Variants in PDE1C observed in about 807,000 individuals in gnomAD.
PDE1C encodes dual specificity calcium/calmodulin-dependent 3',5'-cyclic nucleotide phosphodiesterase 1C.
In PDE1C, 62 loss-of-function variants were observed where a neutral mutation model predicts 93.1. The ratio of observed to expected loss-of-function variants is 0.67; its 90% CI spans 0.54 to 0.82. The LOEUF (loss-of-function observed/expected upper bound fraction) is 0.82. PDE1C is among the 40% of genes least tolerant of loss of function. PDE1C has a pLI of 0.00. For synonymous variants in PDE1C, 325 were observed against 310.1 expected (o/e 1.05, Z -0.50); for missense variants, 742 against 884.6 (o/e 0.84, Z 2.04).
At chr7:32,291,559 A>T (rs563019057) in intron 1 of PDE1C, among the ~76,000 whole-genome samples, 18 of 152,362 alleles carry the variant, frequency 1.2e-4, no homozygotes, top group Non-Finnish European at 1.5e-5. Flanking sequence ...TCCTTTCTTG[A>T]GTTTAGCTCA....
chr7:32,199,085 TG>T (rs551294094), intron 2 of PDE1C, among the ~76,000 whole-genome samples: 66 of 151,812 alleles, frequency 4.3e-4, no homozygotes, highest in Non-Finnish European at 5.6e-4. Flanking sequence ...ATCGCTCCAC[TG>T]CACTCCAGCC....
At chr7:31,658,974 T>C in the PDE1C span, among the ~76,000 whole-genome samples, 1 of 152,206 alleles carries the variant, frequency 6.6e-6, no homozygotes, top group African/African-American at 2.4e-5. Context: ...GTACCAATGC[T>C]TTCTTCATTC....
At chr7:32,019,754 G>A (rs1191833684) in intron 2 of PDE1C, among the ~76,000 whole-genome samples, 1 of 152,072 alleles carries the variant, frequency 6.6e-6, no homozygotes, top group African/African-American at 2.4e-5. Flanking sequence ...GGAAACAAGG[G>A]GAGGGAAGGG....
At chr7:32,250,387 CG>C (rs1809280220) in intron 1 of PDE1C, among the ~76,000 whole-genome samples, 1 of 152,182 alleles carries the variant, frequency 6.6e-6, no homozygotes, top group African/African-American at 2.4e-5. Flanking sequence ...AAATTAGGTG[CG>C]CATCAGAATC....
intron 7 of PDE1C, among the ~76,000 whole-genome samples, chr7:31,864,592 A>C (rs932712395): frequency 5.3e-5 from 8 of 152,262 alleles, no homozygotes; most frequent in Admixed American, 5.2e-4. Context: ...ATACAATTTC[A>C]GTATACATGA....
chr7:32,315,124 T>G (rs931642849), intron 1 of PDE1C, among the ~76,000 whole-genome samples: 3 of 150,064 alleles, frequency 2.0e-5, no homozygotes, highest in African/African-American at 7.4e-5. Flanking sequence ...AAACACAAAG[T>G]AGGATGCAAT....
At position 32,197,598 on chromosome 7, in the gene PDE1C, G is replaced by T. The variant is rs191978910; in HGVS notation, c.136+11891C>A. Among the ~76,000 whole-genome samples, 3 of 152,226 alleles carry T rather than the reference G, an allele frequency of 2.0e-5. No individual in the cohort carries two copies. In the East Asian group the frequency reaches 5.8e-4, roughly 29 times the overall value. On this transcript the variant is annotated intron_variant, in intron 2 of 18. Coordinates refer to the PDE1C transcript ENST00000396193. ...AAAATAAAACGTATATCCATACTAG[G>T]GAATATTGTCCTGCAATATAAAGGA... is the stretch of plus-strand genomic sequence containing the variant.
At chr7:32,065,485 C>T (rs73098659) in intron 1 of PDE1C, among the ~76,000 whole-genome samples, 44 of 152,282 alleles carry the variant, frequency 2.9e-4, no homozygotes, top group Admixed American at 6.5e-4. Context: ...TAGCTTCCTT[C>T]GCATCCCCCT....
the PDE1C span, among the ~76,000 whole-genome samples, chr7:31,740,049 A>G: frequency 2.0e-5 from 3 of 152,260 alleles, no homozygotes; most frequent in East Asian, 5.8e-4. Context: ...CCCACTCTAC[A>G]AAAGGAAGGC....
In PDE1C at chr7:32,065,059, G is replaced by T. The variant is rs56127668; in HGVS notation, c.101+5234C>A. ...TTCTGACGGAACGGCGGTGGGGGGG[G>T]GGGGGAGGAGCCGGGGGCCAGTGAG... On this transcript the variant is annotated intron_variant, in intron 1 of 17. Coordinates refer to ENST00000396191, the MANE Select transcript of PDE1C (RefSeq NM_001191057.4). 6.5e-4 allele frequency among the ~76,000 whole-genome samples: 96 copies of T among 148,730 alleles called. 1 individual carries two copies. The highest frequency in any genetic ancestry group is 1.1e-3 in the Non-Finnish European group (76 of 66,618).
At chr7:31,660,785 C>T in the PDE1C span, among the ~76,000 whole-genome samples, 16 of 151,940 alleles carry the variant, frequency 1.1e-4, 1 homozygote, top group South Asian at 3.3e-3. Context: ...TACCACATAC[C>T]TATTCATTTA....
chr7:32,254,070 A>G (rs1016706228), intron 1 of PDE1C, among the ~76,000 whole-genome samples: 1 of 152,178 alleles, frequency 6.6e-6, no homozygotes, highest in Non-Finnish European at 1.5e-5. Flanking sequence ...GGTCTCATGC[A>G]CCACTGAAAC....
chr7:32,328,562 C>G (rs1490987742), intron 1 of PDE1C, among the ~76,000 whole-genome samples: 1 of 152,166 alleles, frequency 6.6e-6, no homozygotes, highest in Non-Finnish European at 1.5e-5. Flanking sequence ...CTTCCTTGAA[C>G]AAGCCAGGCT....
chr7:31,774,804 T>C (rs1795721092), intron 17 of PDE1C, among the ~76,000 whole-genome samples: 1 of 152,200 alleles, frequency 6.6e-6, no homozygotes, highest in African/African-American at 2.4e-5. Flanking sequence ...AGAAAAAGTA[T>C]TTAATAAAGA....
intron 13 of PDE1C, among the ~76,000 whole-genome samples, 153 bp from the exon 14 acceptor site, chr7:31,823,401 T>G (rs1283192883): frequency 6.6e-6 from 1 of 152,180 alleles, no homozygotes; most frequent in Non-Finnish European, 1.5e-5. Context: ...ATTTTCCACA[T>G]ATGACCGGTG....
chr7:32,226,834 A>AG (rs1807311294), intron 1 of PDE1C, among the ~76,000 whole-genome samples: 2 of 152,074 alleles, frequency 1.3e-5, no homozygotes, highest in Non-Finnish European at 2.9e-5. Flanking sequence ...TTAATACATC[A>AG]CCACCAATGC....
chr7:31,806,070 C>A (rs774811302), intron 16 of PDE1C, among the ~76,000 whole-genome samples: 1 of 151,906 alleles, frequency 6.6e-6, no homozygotes, highest in Non-Finnish European at 1.5e-5. Context: ...CTCTTCATAA[C>A]TCACTTTTCA....
At chr7:32,074,753 G>A (rs1031142182), upstream of PDE1C, among the ~76,000 whole-genome samples, 1 of 152,344 alleles carries the variant, frequency 6.6e-6, no homozygotes, top group East Asian at 1.9e-4. Context: ...TGCATGAAAG[G>A]TGGGTGGAGG....
intron 1 of PDE1C, among the ~76,000 whole-genome samples, chr7:32,232,633 A>G (rs35574885): frequency 0.11 from 15,990 of 152,206 alleles, 900 homozygotes; most frequent in East Asian, 0.13. Context: ...AAAGGGAGAA[A>G]CTTGGGAAAG....
Sources: allele counts gnomAD v4.1 joint callset (sites outside exome capture counted in the v4.1 genomes callset), GRCh38; gene constraint gnomAD v4.1.1; transcripts MANE v1.5; gene names NCBI Gene and HGNC (gene_info 2026-07-23, HGNC 2026-07-21).